The following RAB38 variants were observed in gnomAD, a reference collection of about 807,000 sequenced individuals.
RAB38 encodes RAB38, member RAS oncogene family.
RAB38 carries 15 observed loss-of-function variants against 18.4 expected under a neutral mutation model. The observed-to-expected ratio is 0.82, with a 90% CI of 0.55 to 1.26. RAB38 has a LOEUF of 1.26. Ranked by LOEUF, RAB38 falls within the 50% of genes most tolerant of loss-of-function variation. The pLI, the probability that RAB38 is intolerant of heterozygous loss-of-function variation, is 0.00. For synonymous variants in RAB38, 101 were observed against 104.4 expected (o/e 0.97, Z 0.20); for missense variants, 294 against 267.4 (o/e 1.10, Z -0.69).
chr11:88,167,660 A>G (rs576370968), intron 1 of RAB38: 1 of 152,322 alleles, frequency 6.6e-6, no homozygotes, highest in East Asian at 1.9e-4. Flanking sequence ...AGGAGAGAAC[A>G]GTAGAAGTTA....
the RAB38 span, among the ~76,000 whole-genome samples, chr11:88,033,616 T>C: frequency 3.3e-5 from 5 of 151,992 alleles, no homozygotes; most frequent in Admixed American, 6.6e-5. Flanking sequence ...ACGTTTCCAG[T>C]TGTGTTTCTG....
chr11:87,973,509 C>A, the RAB38 span, among the ~76,000 whole-genome samples: 2 of 152,060 alleles, frequency 1.3e-5, no homozygotes, highest in African/African-American at 4.8e-5. Flanking sequence ...TGAGGGTACA[C>A]CCCTGTCTAC....
chr11:87,869,702 T>C, the RAB38 span, among the ~76,000 whole-genome samples: 1 of 151,638 alleles, frequency 6.6e-6, no homozygotes, highest in Non-Finnish European at 1.5e-5. Flanking sequence ...AACATTGTAA[T>C]TGTTTGTTTG....
At chr11:87,883,055 G>A in the RAB38 span, among the ~76,000 whole-genome samples, 6 of 151,794 alleles carry the variant, frequency 4.0e-5, no homozygotes, top group Non-Finnish European at 8.8e-5. Flanking sequence ...GGTCGACAAG[G>A]CTTGGTGGAA....
the RAB38 span, among the ~76,000 whole-genome samples, chr11:88,036,596 G>T: frequency 4.7e-3 from 708 of 152,018 alleles, 2 homozygotes; most frequent in Non-Finnish European, 6.8e-3. Context: ...ACATTTTATT[G>T]AGTGTACCTT....
chr11:87,811,371 T>C, the RAB38 span, among the ~76,000 whole-genome samples: 2 of 152,240 alleles, frequency 1.3e-5, no homozygotes, highest in Non-Finnish European at 1.5e-5. Flanking sequence ...GAATTATCAT[T>C]GTTAGAAAGG....
chr11:88,037,496 G>A, the RAB38 span, among the ~76,000 whole-genome samples: 1 of 152,144 alleles, frequency 6.6e-6, no homozygotes, highest in East Asian at 1.9e-4. Context: ...ACTCTTGGAA[G>A]TGCACTTTTA....
the RAB38 span, among the ~76,000 whole-genome samples, chr11:88,107,654 C>T: frequency 6.6e-6 from 1 of 151,732 alleles, no homozygotes; most frequent in African/African-American, 2.4e-5. Context: ...TTTTTGTCTT[C>T]TGCTAGCTTT....
the RAB38 span, among the ~76,000 whole-genome samples, chr11:87,919,022 T>C: frequency 1.3e-5 from 2 of 152,038 alleles, no homozygotes; most frequent in Non-Finnish European, 2.9e-5. Flanking sequence ...CTTTAATCAA[T>C]TTTGATTTTT....
chr11:87,816,406 A>G, the RAB38 span: 1 of 152,208 alleles, frequency 6.6e-6, no homozygotes, highest in African/African-American at 2.4e-5. Flanking sequence ...GGGAGGTATA[A>G]TGGTTGATTG....
At chr11:87,899,674 G>C in the RAB38 span, among the ~76,000 whole-genome samples, 1 of 151,582 alleles carries the variant, frequency 6.6e-6, no homozygotes, top group African/African-American at 2.4e-5. Context: ...AGGGAACTTA[G>C]ATTCCCCTAT....
the RAB38 span, among the ~76,000 whole-genome samples, chr11:87,978,141 A>T: frequency 9.1e-6 from 1 of 109,810 alleles, no homozygotes; most frequent in Non-Finnish European, 1.7e-5. Context: ...TTATATATAC[A>T]TTATATATAA....
the RAB38 span, among the ~76,000 whole-genome samples, chr11:87,954,282 A>C: frequency 3.9e-5 from 6 of 152,250 alleles, no homozygotes; most frequent in African/African-American, 1.2e-4. Flanking sequence ...AACTCCTACC[A>C]ATGGCATCAT....
Position 88,114,136 on chromosome 11 carries a change from T to G in RAB38, c.488A>C (p.Asn163Thr). The G allele has an allele frequency of 6.2e-7, 1 of 1,614,106 alleles. No homozygotes were observed. Reference sequence around the variant, plus strand: ...TCTGGAGGCTTCATCAATGTTTATATTTTCCTATGAGGGAAAAAATAAAAC... The same window carrying G: ...TCTGGAGGCTTCATCAATGTTTATAGTTTCCTATGAGGGAAAAAATAAAAC... ...VGWFETSAKE[N>T]INIDEASRCL... The change falls in exon 3 of 3, where the codon AAT becomes ACT. Residue 163 changes from asparagine (N) to threonine (T), a missense_variant. Coordinates refer to ENST00000243662, the MANE Select transcript of RAB38 (RefSeq NM_022337.3).
At chr11:88,058,689 T>C in the RAB38 span, among the ~76,000 whole-genome samples, 4 of 152,212 alleles carry the variant, frequency 2.6e-5, no homozygotes, top group Non-Finnish European at 5.9e-5. Context: ...TTGTGCATGA[T>C]ATTTACAGTA....
chr11:88,077,297 A>C, the RAB38 span, among the ~76,000 whole-genome samples: 6 of 152,052 alleles, frequency 3.9e-5, no homozygotes, highest in African/African-American at 1.4e-4. Context: ...ACATACTAAA[A>C]ATCCTAAAAT....
At chr11:88,095,131 T>A in the RAB38 span, among the ~76,000 whole-genome samples, 2 of 151,852 alleles carry the variant, frequency 1.3e-5, no homozygotes, top group African/African-American at 4.8e-5. Context: ...ATTATATCTT[T>A]CACTGTGCAA....
At chr11:87,902,597 A>T in the RAB38 span, among the ~76,000 whole-genome samples, 1 of 151,476 alleles carries the variant, frequency 6.6e-6, no homozygotes, top group African/African-American at 2.4e-5. Flanking sequence ...CATGAGTTTG[A>T]GTAGAAGTCA....
the RAB38 span, among the ~76,000 whole-genome samples, chr11:88,089,519 C>A: frequency 2.0e-5 from 3 of 151,912 alleles, no homozygotes; most frequent in Non-Finnish European, 4.4e-5. Flanking sequence ...CCAAATGACC[C>A]TGAAACTGAG....
Sources: gnomAD v4.1 joint callset for allele counts (sites outside exome capture counted in the v4.1 genomes callset) on GRCh38, gnomAD v4.1.1 for gene constraint, MANE v1.5 for transcripts, NCBI Gene and HGNC (gene_info 2026-07-23, HGNC 2026-07-21) for gene names.